The following COL23A1 variants were observed in gnomAD, a reference collection of about 807,000 sequenced individuals.
The protein encoded by COL23A1 is collagen alpha-1(XXIII) chain.
In COL23A1, 97 loss-of-function variants were observed where a neutral mutation model predicts 99.3. The observed-to-expected ratio is 0.98, with a 90% confidence interval of 0.83 to 1.16. The LOEUF is 1.16. COL23A1 is among the 50% of genes most tolerant of loss of function. COL23A1 has a pLI of 0.00. For missense variants in COL23A1, 762 were observed against 757.4 expected, an observed-to-expected ratio of 1.01 and a Z score of -0.07; for synonymous variants, 320 against 308.2, an observed-to-expected ratio of 1.04 and a Z score of -0.40.
chr5:178,362,256 G>C (rs1227391794), intron 2 of COL23A1, among the ~76,000 whole-genome samples: 1 of 152,168 alleles, frequency 6.6e-6, no homozygotes, highest in Admixed American at 6.5e-5. Context: ...TGAATGGAGG[G>C]AGGCTGAGTT....
intron 2 of COL23A1, chr5:178,378,175 C>G (rs534887856): frequency 5.9e-5 from 9 of 152,152 alleles, no homozygotes; most frequent in African/African-American, 1.9e-4. Context: ...TGTCTGTGAA[C>G]AGCCACTGCA....
chr5:178,399,583 G>C (rs1764328007), intron 2 of COL23A1, among the ~76,000 whole-genome samples: 1 of 152,218 alleles, frequency 6.6e-6, no homozygotes, highest in Admixed American at 6.5e-5. Context: ...GGAAAGCACA[G>C]GAGACTCACC....
rs1323527001 is a variant in COL23A1, at chr5:178,252,562, T to C, written c.996A>G (p.Pro332=). The part of the protein sequence containing the change: ...PPGPQGPPGP[P]GIPGAKGELG... ...CACTGACCTTGGCTCCAGGGATCCC[T>C]GGTGGCCCTGGGGGCCCCTGTGGTC... Residue 332 remains proline, a synonymous_variant, in exon 17 of 29, where the codon CCA becomes CCG. Coordinates refer to ENST00000390654, the MANE Select transcript of COL23A1 (RefSeq NM_173465.4). 1 of 1,611,970 alleles carries C rather than the reference T, an allele frequency of 6.2e-7. No individual in the cohort carries two copies. Among genetic ancestry groups the C allele is most frequent in the African/African-American group, 1.3e-5 (1 of 75,030 alleles).
intron 2 of COL23A1, among the ~76,000 whole-genome samples, chr5:178,512,215 G>T (rs1011521225): frequency 1.3e-5 from 2 of 152,206 alleles, no homozygotes; most frequent in African/African-American, 4.8e-5. Flanking sequence ...CTCTTTCAAT[G>T]GTCTCTTAGC....
In COL23A1 at chr5:178,246,304, G is replaced by A. The variant is rs1764690861; in HGVS notation, c.1363C>T (p.Pro455Ser). ...GERGPSGLPG[P>S]VGPPGLIGLP... ...CCAATAAGGCCCGGTGGGCCAACTGGCCCCTGGATAGAAAAGGAATGAGTC... is the reference window on the plus strand; with the variant it reads ...CCAATAAGGCCCGGTGGGCCAACTGACCCCTGGATAGAAAAGGAATGAGTC... The change falls in exon 24 of 29, where the codon CCA becomes TCA. Residue 455 changes from proline to serine, a missense_variant. Coordinates refer to ENST00000390654, the MANE Select transcript of COL23A1 (RefSeq NM_173465.4). 6 of 1,556,508 alleles carry A rather than the reference G, an allele frequency of 3.9e-6. No homozygotes were observed. The highest frequency in any genetic ancestry group is 5.2e-6 in the Non-Finnish European group (6 of 1,149,214).
At chr5:178,528,607 T>A (rs1760457213) in intron 2 of COL23A1, among the ~76,000 whole-genome samples, 1 of 152,164 alleles carries the variant, frequency 6.6e-6, no homozygotes, top group African/African-American at 2.4e-5. Flanking sequence ...AGGTCAGAGT[T>A]TGAGACCAGC....
At chr5:178,481,147 AAAAG>A (rs1237326293) in intron 2 of COL23A1, among the ~76,000 whole-genome samples, 270 of 148,816 alleles carry the variant, frequency 1.8e-3, no homozygotes, top group Non-Finnish European at 2.7e-3. Context: ...AAAAAAAAAA[AAAAG>A]AAAGAAAGAA....
chr5:178,358,517 GTGTA>G (rs1280700534), intron 2 of COL23A1, among the ~76,000 whole-genome samples: 135 of 140,122 alleles, frequency 9.6e-4, no homozygotes, highest in South Asian at 4.8e-3. Context: ...GTGTGTATGT[GTGTA>G]TGTATGTCTA....
chr5:178,306,829 T>TGGCTTCCAAGCCTTGGC lies in COL23A1; in HGVS notation c.406+29_406+45dup. On this transcript the variant is annotated intron_variant, in intron 3 of 28. Coordinates refer to ENST00000390654, the MANE Select transcript of COL23A1 (RefSeq NM_173465.4). The surrounding 1 kb of genome is among the most constrained non-coding windows in gnomAD (Gnocchi z 4.1). ...CTGCAGTCAGAGCCTGGGGCCATGG[T>TGGCTTCCAAGCCTTGGC]GGCTTCCAAGCCTTGGCTTAGGAGC... 1 of 1,400,194 alleles carries TGGCTTCCAAGCCTTGGC rather than the reference T, an allele frequency of 7.1e-7. No individual in the cohort carries two copies. Among genetic ancestry groups the TGGCTTCCAAGCCTTGGC allele is most frequent in the Non-Finnish European group, 9.4e-7 (1 of 1,062,372 alleles). 86.7% of individuals were successfully genotyped at this position (1,400,194 alleles called of 1,614,324 possible). A position where few individuals can be genotyped will look rare whatever the true frequency, so the allele number is the denominator to read the frequency against.
chr5:178,400,315 C>A (rs181491217), intron 2 of COL23A1, among the ~76,000 whole-genome samples: 1 of 133,452 alleles, frequency 7.5e-6, no homozygotes, highest in Admixed American at 9.3e-5. Flanking sequence ...TGCAGTGAGC[C>A]GAGATCGCGC....
Position 178,237,724 on chromosome 5 carries a change from A to G in COL23A1, c.*974T>C, listed in dbSNP as rs1291289648. ...GCTGGGAACACTTGCTGGAGGTGGA[A>G]AAGCCTCTCGTCAGAGCGTGGGTGG... is the stretch of plus-strand genomic sequence containing the variant. On this transcript the variant is annotated 3_prime_UTR_variant, in exon 29 of 29. Transcript: ENST00000390654. 1 of 152,632 alleles carries G rather than the reference A, an allele frequency of 6.6e-6. No individual in the cohort carries two copies. Among genetic ancestry groups the G allele is most frequent in the Non-Finnish European group, 1.5e-5 (1 of 68,112 alleles). The allele number at this position is 152,632 out of a possible 1,614,324, so 9.5% of individuals were successfully genotyped here.
chr5:178,383,665 G>A (rs554737442), intron 2 of COL23A1, among the ~76,000 whole-genome samples: 16 of 152,274 alleles, frequency 1.1e-4, no homozygotes, highest in African/African-American at 3.4e-4. Flanking sequence ...CTGGGCCCTC[G>A]GCCTGGAGCT....
intron 2 of COL23A1, among the ~76,000 whole-genome samples, chr5:178,427,880 T>C (rs1766037746): frequency 6.6e-6 from 1 of 152,224 alleles, no homozygotes; most frequent in Non-Finnish European, 1.5e-5. Context: ...TAATGGTGGA[T>C]ACATGTCATT....
At position 178,473,026 on chromosome 5, in the gene COL23A1, G is replaced by A. The variant is rs371712412; in HGVS notation, c.361+87656C>T. On this transcript the variant is annotated intron_variant, in intron 2 of 28. Transcript: ENST00000390654. Reference sequence around the variant, plus strand: ...TGATCCGAACTACTCAGGAAGCTGAGGCGAGAGGATCGCTTGAGCCCAGGA... The same window carrying A: ...TGATCCGAACTACTCAGGAAGCTGAAGCGAGAGGATCGCTTGAGCCCAGGA... Among the ~76,000 whole-genome samples the A allele has an allele frequency of 6.6e-5, 9 of 137,320 alleles. No homozygotes were observed. The East Asian group carries it at 7.0e-4, about 11-fold the overall frequency. The allele number at this position is 137,320 out of a possible 152,430, so 90.1% of individuals were successfully genotyped here.
At chr5:178,523,026 C>T (rs1369315401) in intron 2 of COL23A1, among the ~76,000 whole-genome samples, 2 of 151,598 alleles carry the variant, frequency 1.3e-5, no homozygotes, top group African/African-American at 2.4e-5. Context: ...TCCAGCCAGG[C>T]GTGGTAGCTC....
At chr5:178,376,776 G>A (rs1020405539) in intron 2 of COL23A1, among the ~76,000 whole-genome samples, 7 of 152,318 alleles carry the variant, frequency 4.6e-5, no homozygotes, top group African/African-American at 9.6e-5. Flanking sequence ...TCTGCAAGGC[G>A]AAAGTCATGC....
At chr5:178,556,250 C>T (rs1303739499) in intron 2 of COL23A1, among the ~76,000 whole-genome samples, 1 of 151,994 alleles carries the variant, frequency 6.6e-6, no homozygotes, top group Non-Finnish European at 1.5e-5. Flanking sequence ...ATGAACAAGG[C>T]AGCCCATGAA....
At chr5:178,348,263 G>A (rs1305043152) in intron 2 of COL23A1, among the ~76,000 whole-genome samples, 2 of 152,130 alleles carry the variant, frequency 1.3e-5, no homozygotes, top group East Asian at 1.9e-4. Flanking sequence ...CCACGCACTC[G>A]GGGCGACTCT....
rs187288319 is a variant in COL23A1 at position 178,411,010 on chromosome 5, G to T, written c.362-104091C>A. On this transcript the variant is annotated intron_variant, in intron 2 of 28. Transcript: ENST00000390654. ...CTTGAATCGACATTTTGCTGAAGAAGATACACAAACAGCCAACAAGGATAT... is the reference window on the plus strand; with the variant it reads ...CTTGAATCGACATTTTGCTGAAGAATATACACAAACAGCCAACAAGGATAT... Among the ~76,000 whole-genome samples, 78 of 152,160 alleles carry T rather than the reference G, an allele frequency of 5.1e-4. 1 individual carries two copies. In the East Asian group the frequency reaches 0.013, roughly 25 times the overall value.
Sources: allele counts gnomAD v4.1 joint callset (sites outside exome capture counted in the v4.1 genomes callset), GRCh38; gene constraint gnomAD v4.1.1; non-coding constraint Gnocchi (gnomAD v3.1); transcripts MANE v1.5; gene names NCBI Gene and HGNC (gene_info 2026-07-23, HGNC 2026-07-21).